The following ATP7B variants were observed in gnomAD, a reference collection of about 807,000 sequenced individuals.
ATP7B encodes ATPase copper transporting beta, also known as copper-transporting ATPase 2.
Under a neutral mutation model 118.9 loss-of-function variants are expected in ATP7B, and 113 were observed. The ratio of observed to expected loss-of-function variants is 0.95; its 90% confidence interval spans 0.82 to 1.11. The LOEUF (loss-of-function observed/expected upper bound fraction) is 1.11, where lower values mean the gene tolerates loss of function less well. Ranked by LOEUF, ATP7B falls within the 50% of genes most tolerant of loss-of-function variation. The probability of loss-of-function intolerance (pLI) is 0.00; values close to 1 mark genes in which losing one functional copy is unlikely to be tolerated. For synonymous variants in ATP7B, 777 were observed against 727.4 expected, an observed-to-expected ratio of 1.07 and a Z score of -1.10; for missense variants, 1,867 against 1,871.4, an observed-to-expected ratio of 1.00 and a Z score of 0.04.
intron 2 of ATP7B, among the ~76,000 whole-genome samples, chr13:51,972,316 C>CA (rs1319859864): frequency 2.0e-5 from 3 of 152,300 alleles, no homozygotes; most frequent in East Asian, 1.9e-4. Context: ...CTGCGGCTCG[C>CA]ATTATGTCCA....
chr13:51,968,694 A>C, intron 3 of ATP7B, 87 bp from the exon 4 acceptor site: 4 of 1,467,864 alleles, frequency 2.7e-6, no homozygotes, highest in Non-Finnish European at 3.8e-6. Context: ...AAAGAAACAC[A>C]TCTTCCCAGA....
At chr13:51,971,080 CG>C (rs1951819717) in intron 2 of ATP7B, among the ~76,000 whole-genome samples, 1 of 152,186 alleles carries the variant, frequency 6.6e-6, no homozygotes, top group Non-Finnish European at 1.5e-5. Flanking sequence ...TTACTGCATG[CG>C]GGGTGCTATT....
chr13:51,937,626 C>G lies in ATP7B; in HGVS notation c.3753G>C (p.Lys1251Asn), dbSNP rs1433807687. 1.2e-6 allele frequency: 2 copies of G among 1,614,256 alleles called. No homozygotes were observed. Among genetic ancestry groups the G allele is most frequent in the Non-Finnish European group, 1.7e-6 (2 of 1,180,046 alleles). ...TCCCTTTATTCTGGAGCTCCTGGAC[C>G]TTGGCCACCTTGTGCGAAGGCAGCA... Reference protein sequence around the residue: ...AEVLPSHKVAKVQELQNKGKK... With the variant: ...AEVLPSHKVANVQELQNKGKK... The change falls in exon 18 of 21, where the codon AAG becomes AAC. Residue 1251 changes from lysine to asparagine, a missense_variant. Transcript: ENST00000242839.
At chr13:51,961,720 G>A in intron 6 of ATP7B, 117 bp downstream of exon 6, 4 of 979,902 alleles carry the variant, frequency 4.1e-6, no homozygotes, top group Non-Finnish European at 1.6e-6. Flanking sequence ...CAAGGGTAAA[G>A]GCAGCTAATC....
At position 51,975,138 on chromosome 13, in the gene ATP7B, C is replaced by G; in HGVS notation, c.82G>C (p.Ala28Pro). The G allele has an allele frequency of 6.2e-7, 1 of 1,614,154 alleles. No homozygotes were observed. The highest frequency in any genetic ancestry group is 8.5e-7 in the Non-Finnish European group (1 of 1,180,022). Residue 28 changes from alanine (A) to proline (P), a missense_variant, in exon 2 of 21, where the codon GCC becomes CCC. Coordinates refer to ENST00000242839, the MANE Select transcript of ATP7B (RefSeq NM_000053.4). ...ILSKLSLPTR[A>P]WEPAMKKSFA... is the part of the protein sequence containing the mutation. The stretch of plus-strand genomic sequence containing the variant: ...CTCTTCTTCATTGCTGGTTCCCAGG[C>G]ACGGGTAGGCAAAGAAAGCTTAGAT...
chr13:52,011,269 CG>C lies in ATP7B; in HGVS notation c.51+17del, dbSNP rs777650492. The C allele has an allele frequency of 5.0e-6, 8 of 1,614,066 alleles. No homozygotes were observed. Among genetic ancestry groups the C allele is most frequent in the Non-Finnish European group, 5.9e-6 (7 of 1,180,004 alleles). On this transcript the variant is annotated intron_variant, in intron 1 of 20. Coordinates refer to ENST00000242839, the MANE Select transcript of ATP7B (RefSeq NM_000053.4). Reference sequence around the variant, plus strand: ...TGGGAGTGAGCACGCTGCGCGGACGCGGGGGAACAAAACTCACTTTCCGACT... The same window carrying C: ...TGGGAGTGAGCACGCTGCGCGGACGCGGGGAACAAAACTCACTTTCCGACT...
intron 1 of ATP7B, among the ~76,000 whole-genome samples, chr13:52,004,095 T>TA (rs1417418450): frequency 6.6e-5 from 10 of 151,566 alleles, no homozygotes; most frequent in Admixed American, 2.0e-4. Flanking sequence ...CCGTCTCTAC[T>TA]AAAAAAAATT....
intron 4 of ATP7B, among the ~76,000 whole-genome samples, chr13:51,966,438 C>A (rs779896125): frequency 2.0e-5 from 3 of 152,158 alleles, no homozygotes; most frequent in African/African-American, 7.2e-5. Context: ...AAGCCTACAC[C>A]GCTTGTGCCG....
intron 5 of ATP7B, among the ~76,000 whole-genome samples, chr13:51,964,621 T>C (rs1333165640): frequency 6.6e-6 from 1 of 152,208 alleles, no homozygotes; most frequent in South Asian, 2.1e-4. Context: ...TTAGGGAATA[T>C]CTAAAATTAA....
At chr13:51,956,567 C>T (rs1009491960) in intron 9 of ATP7B, among the ~76,000 whole-genome samples, 1 of 152,012 alleles carries the variant, frequency 6.6e-6, no homozygotes, top group African/African-American at 2.4e-5. Context: ...GGGGCAGGAG[C>T]GGGAGGTGCC....
rs553026605 is a variant in ATP7B at position 52,005,553 on chromosome 13, C to G, written c.51+5734G>C. 4.6e-5 allele frequency among the ~76,000 whole-genome samples: 7 copies of G among 152,334 alleles called. No homozygotes were observed. In the East Asian group the frequency reaches 1.3e-3, roughly 29 times the overall value. ...ATCAAAATGACCTTTGCTGTCCATA[C>G]TTCCACCAACATTCTGATCATGACC... On this transcript the variant is annotated intron_variant, in intron 1 of 20. Coordinates refer to ENST00000242839, the MANE Select transcript of ATP7B (RefSeq NM_000053.4).
chr13:52,005,113 G>T (rs748815527), intron 1 of ATP7B, among the ~76,000 whole-genome samples: 46 of 152,166 alleles, frequency 3.0e-4, no homozygotes, highest in Admixed American at 1.0e-3. Context: ...TCATGGTCCA[G>T]GCACTCTGGG....
intron 1 of ATP7B, among the ~76,000 whole-genome samples, chr13:51,999,187 A>T (rs1953363238): frequency 1.3e-5 from 2 of 152,340 alleles, no homozygotes; most frequent in South Asian, 4.1e-4. Context: ...CACAAGACAC[A>T]TACTGCCCTT....
intron 2 of ATP7B, among the ~76,000 whole-genome samples, chr13:51,973,129 T>G (rs903642211): frequency 2.0e-5 from 3 of 152,176 alleles, no homozygotes; most frequent in Non-Finnish European, 4.4e-5. Flanking sequence ...TTTCCTTAAC[T>G]CTCATTTTTA....
At chr13:51,948,323 A>G (rs1957790284) in intron 12 of ATP7B, among the ~76,000 whole-genome samples, 1 of 152,122 alleles carries the variant, frequency 6.6e-6, no homozygotes, top group Non-Finnish European at 1.5e-5. Flanking sequence ...CGATCATAGC[A>G]CACTACAGCC....
At position 51,974,015 on chromosome 13, in the gene ATP7B, A is replaced by G. The variant is rs1161555257; in HGVS notation, c.1205T>C (p.Leu402Pro). The stretch of plus-strand genomic sequence containing the variant: ...TGGGCTAATTACAGAGGGATTATAA[A>G]GAACTGTTGCAGTCCCTTCGGCCAA... ...VSLAEGTATV[L>P]YNPSVISPEE... The change falls in exon 2 of 21, where the codon CTT becomes CCT. Residue 402 changes from leucine to proline, a missense_variant. Coordinates refer to ENST00000242839, the MANE Select transcript of ATP7B (RefSeq NM_000053.4). 1 of 1,614,266 alleles carries G rather than the reference A, an allele frequency of 6.2e-7. No individual in the cohort carries two copies.
chr13:51,961,754 A>C, intron 6 of ATP7B, 83 bp downstream of exon 6: 1 of 1,354,698 alleles, frequency 7.4e-7, no homozygotes, highest in Non-Finnish European at 1.1e-6. Flanking sequence ...CCATGGGAAG[A>C]CAAGACCAGC....
At chr13:51,991,782 TG>T (rs1314731201) in intron 1 of ATP7B, among the ~76,000 whole-genome samples, 1 of 152,146 alleles carries the variant, frequency 6.6e-6, no homozygotes, top group Admixed American at 6.5e-5. Context: ...TAGGAACACC[TG>T]GGCCAAAGCA....
chr13:52,003,971 A>G (rs1953652466), intron 1 of ATP7B, among the ~76,000 whole-genome samples: 1 of 152,222 alleles, frequency 6.6e-6, no homozygotes, highest in South Asian at 2.1e-4. Flanking sequence ...AAAAGACAGC[A>G]GGACTGGCCG....
Sources: allele counts gnomAD v4.1 joint callset (sites outside exome capture counted in the v4.1 genomes callset), GRCh38; gene constraint gnomAD v4.1.1; transcripts MANE v1.5; gene names NCBI Gene and HGNC (gene_info 2026-07-23, HGNC 2026-07-21).